NR2C1: variants seen among roughly 807,000 people sequenced by gnomAD.
The protein encoded by NR2C1 is nuclear receptor subfamily 2 group C member 1.
A neutral mutation model predicts 74.8 loss-of-function variants in NR2C1; 33 were observed. The observed-to-expected ratio is 0.44, with a 90% CI of 0.33 to 0.59. NR2C1 has a LOEUF of 0.59. Ranked by LOEUF, NR2C1 falls within the 20% of genes least tolerant of loss-of-function variation. The pLI is 0.02. For missense variants in NR2C1, 568 were observed against 715.6 expected, an observed-to-expected ratio of 0.79 and a Z score of 2.35; for synonymous variants, 225 against 240.6, an observed-to-expected ratio of 0.94 and a Z score of 0.60.
chr12:95,055,575 A>C (rs1181128867), intron 7 of NR2C1, among the ~76,000 whole-genome samples: 1 of 152,222 alleles, frequency 6.6e-6, no homozygotes, highest in African/African-American at 2.4e-5. Flanking sequence ...TCCGAGCCTA[A>C]GTATTTAGAG....
chr12:95,049,820 C>T (rs1237118640), intron 8 of NR2C1, among the ~76,000 whole-genome samples: 6 of 152,132 alleles, frequency 3.9e-5, no homozygotes, highest in Non-Finnish European at 8.8e-5. Flanking sequence ...TTTTGAAACA[C>T]ATTCTCCCTG....
chr12:95,026,332 A>C (rs776736672), intron 12 of NR2C1, among the ~76,000 whole-genome samples: 3 of 152,192 alleles, frequency 2.0e-5, no homozygotes, highest in Non-Finnish European at 2.9e-5. Flanking sequence ...GAAACCACAA[A>C]TATTATCTCT....
rs1235607872 is a variant in NR2C1 at position 95,040,605 on chromosome 12, G to C, written c.1132-8C>G. The C allele has an allele frequency of 6.3e-7, 1 of 1,594,126 alleles. No individual in the cohort carries two copies. The highest frequency in any genetic ancestry group is 2.2e-5 in the East Asian group (1 of 44,572). ...AGGAGAAGGCATGGTGAGCTAGTAT[G>C]AACAGGGATTTAGGTAAATTATCTT... is the stretch of plus-strand genomic sequence containing the variant. On this transcript the variant is annotated splice_polypyrimidine_tract_variant and splice_region_variant and intron_variant, in intron 9 of 13. Transcript: ENST00000333003.
At chr12:95,071,367 A>C (rs1876579389) in intron 1 of NR2C1, among the ~76,000 whole-genome samples, 1 of 152,202 alleles carries the variant, frequency 6.6e-6, no homozygotes, top group Non-Finnish European at 1.5e-5. Context: ...GCATTTTTCT[A>C]GACAAGTTCA....
intron 13 of NR2C1, among the ~76,000 whole-genome samples, chr12:95,024,287 T>C (rs1051932288): frequency 6.6e-6 from 1 of 152,194 alleles, no homozygotes; most frequent in African/African-American, 2.4e-5. Context: ...TCCTAAGCAC[T>C]GTACATATAT....
rs187353533 is a variant in NR2C1, at chr12:95,063,306, A to G, written c.55-568T>C. Among the ~76,000 whole-genome samples the G allele has an allele frequency of 6.9e-4, 105 of 152,320 alleles. 2 individuals are homozygous for G. The East Asian group carries it at 0.016, about 23-fold the overall frequency. ...ACATTCCAGGTAGAGGAAACAGAGC[A>G]TATAAGTAGGTCCCAGGGCAGGAGG... On this transcript the variant is annotated intron_variant, in intron 2 of 13. Coordinates refer to ENST00000333003, the MANE Select transcript of NR2C1 (RefSeq NM_003297.4).
intron 8 of NR2C1, among the ~76,000 whole-genome samples, chr12:95,051,506 G>T (rs1873004384): frequency 6.6e-6 from 1 of 152,140 alleles, no homozygotes; most frequent in African/African-American, 2.4e-5. Context: ...CTTCTTTGTG[G>T]TGTAAAGATA....
intron 1 of NR2C1, among the ~76,000 whole-genome samples, chr12:95,068,661 G>C (rs567794608): frequency 1.3e-5 from 2 of 152,224 alleles, no homozygotes; most frequent in African/African-American, 2.4e-5. Context: ...AGGTGTGGTG[G>C]TACATGCCTG....
At position 95,058,154 on chromosome 12, in the gene NR2C1, T is replaced by TA. The variant is rs1874199997; in HGVS notation, c.544+155dup. On this transcript the variant is annotated intron_variant, in intron 5 of 13. Coordinates refer to ENST00000333003, the MANE Select transcript of NR2C1 (RefSeq NM_003297.4). ...ATTCAATAAATATTAGTTGAATAAA[T>TA]AAAAAAGTACATACGTAGGTCTGTA... is the stretch of plus-strand genomic sequence containing the variant. The TA allele has an allele frequency of 3.5e-5, 24 of 684,088 alleles. No individual in the cohort carries two copies. In the East Asian group the frequency reaches 6.7e-4, roughly 19 times the overall value. 42.4% of individuals were successfully genotyped at this position (684,088 alleles called of 1,614,324 possible). A position where few individuals can be genotyped will look rare whatever the true frequency, so the allele number is the denominator to read the frequency against.
At chr12:95,060,591 GT>G (rs1442674543) in intron 3 of NR2C1, among the ~76,000 whole-genome samples, 1 of 152,182 alleles carries the variant, frequency 6.6e-6, no homozygotes, top group Non-Finnish European at 1.5e-5. Flanking sequence ...GGCGGCAGAG[GT>G]TGCAGTGAGC....
chr12:95,068,954 C>G (rs1207914501), intron 1 of NR2C1, among the ~76,000 whole-genome samples: 1 of 151,792 alleles, frequency 6.6e-6, no homozygotes, highest in East Asian at 1.9e-4. Context: ...CAGAGAGAGA[C>G]TCTGTCTCAA....
At chr12:95,047,230 T>C (rs1026466641) in intron 9 of NR2C1, among the ~76,000 whole-genome samples, 1 of 152,178 alleles carries the variant, frequency 6.6e-6, no homozygotes, top group African/African-American at 2.4e-5. Flanking sequence ...TTATTTAGAA[T>C]ACGAAAGAAC....
intron 1 of NR2C1, among the ~76,000 whole-genome samples, chr12:95,068,316 C>T (rs1264363555): frequency 6.6e-6 from 1 of 152,156 alleles, no homozygotes; most frequent in Non-Finnish European, 1.5e-5. Context: ...TCTTTTAAGG[C>T]CTTATCTCCA....
At chr12:95,061,597 C>A (rs1410499182) in intron 3 of NR2C1, among the ~76,000 whole-genome samples, 1 of 152,098 alleles carries the variant, frequency 6.6e-6, no homozygotes, top group Admixed American at 6.5e-5. Flanking sequence ...ATACAAATAT[C>A]ATTGGATGAA....
chr12:95,072,455 CAAAAAAAAAAAAA>C (rs570185714), intron 1 of NR2C1, among the ~76,000 whole-genome samples: 22 of 60,312 alleles, frequency 3.6e-4, no homozygotes, highest in Non-Finnish European at 5.9e-4. Flanking sequence ...CTCTCCCTCT[CAAAAAAAAAAAAA>C]AAAAAAGAAA....
intron 1 of NR2C1, among the ~76,000 whole-genome samples, chr12:95,071,275 T>C (rs544272589): frequency 6.6e-6 from 1 of 152,302 alleles, no homozygotes; most frequent in South Asian, 2.1e-4. Context: ...ACAATTATTT[T>C]GTAGACTAAG....
At chr12:95,058,984 A>G (rs1874331273) in intron 4 of NR2C1, among the ~76,000 whole-genome samples, 1 of 152,184 alleles carries the variant, frequency 6.6e-6, no homozygotes, top group African/African-American at 2.4e-5. Flanking sequence ...TTCCTTTGCC[A>G]AAATTTCTAG....
At chr12:95,044,559 A>G (rs1166935034) in intron 9 of NR2C1, among the ~76,000 whole-genome samples, 1 of 151,888 alleles carries the variant, frequency 6.6e-6, no homozygotes, top group Admixed American at 6.6e-5. Context: ...TACAGGTGCG[A>G]GCCACCCTGC....
intron 7 of NR2C1, among the ~76,000 whole-genome samples, chr12:95,057,098 ATTT>A (rs1184465413): frequency 0.018 from 2,010 of 111,456 alleles, 40 homozygotes; most frequent in East Asian, 0.13. Context: ...AACATTTCTG[ATTT>A]TTTTTTTTTT....
Sources: gnomAD v4.1 joint callset for allele counts (sites outside exome capture counted in the v4.1 genomes callset) on GRCh38, gnomAD v4.1.1 for gene constraint, MANE v1.5 for transcripts, NCBI Gene and HGNC (gene_info 2026-07-23, HGNC 2026-07-21) for gene names.